The following SARDH variants were observed in gnomAD, a reference collection of about 807,000 sequenced individuals.
SARDH encodes sarcosine dehydrogenase, mitochondrial.
Under a neutral mutation model 109.1 loss-of-function variants are expected in SARDH, and 95 were observed. The ratio of observed to expected loss-of-function variants is 0.87; its 90% CI spans 0.74 to 1.03. The LOEUF (loss-of-function observed/expected upper bound fraction) is 1.03, where lower values mean the gene tolerates loss of function less well. SARDH is among the 50% of genes least tolerant of loss of function. SARDH has a pLI of 0.00. For missense variants in SARDH, 1,267 were observed against 1,287.8 expected, an observed-to-expected ratio of 0.98 and a Z score of 0.25; for synonymous variants, 572 against 534.8, an observed-to-expected ratio of 1.07 and a Z score of -0.96.
In SARDH at chr9:133,663,811, A is replaced by AGGGTCCTGGGACCC; in HGVS notation, c.*64_*77dup. 4.4e-6 allele frequency: 7 copies of AGGGTCCTGGGACCC among 1,577,676 alleles called. No homozygotes were observed. In the South Asian group the frequency reaches 8.1e-5, roughly 18 times the overall value. ...GAGGGCACAAGTTCTGGCTGGGTCC[A>AGGGTCCTGGGACCC]GGGTCCTGGGACCCAGGGCCATTTG... On this transcript the variant is annotated 3_prime_UTR_variant, in exon 21 of 21. Coordinates refer to ENST00000439388, the MANE Select transcript of SARDH (RefSeq NM_001134707.2).
chr9:133,695,786 A>G (rs1831264705), intron 14 of SARDH, among the ~76,000 whole-genome samples: 1 of 152,192 alleles, frequency 6.6e-6, no homozygotes, highest in Non-Finnish European at 1.5e-5. Context: ...AGTATGTCCC[A>G]AATATGGCTT....
At chr9:133,665,933 C>T (rs376110917) in intron 20 of SARDH, among the ~76,000 whole-genome samples, 11 of 152,356 alleles carry the variant, frequency 7.2e-5, no homozygotes, top group African/African-American at 2.2e-4. Context: ...GATCGGCTCC[C>T]ATGGAGAGAC....
intron 8 of SARDH, among the ~76,000 whole-genome samples, chr9:133,717,089 C>A (rs1832150318): frequency 6.6e-6 from 1 of 152,176 alleles, no homozygotes; most frequent in Non-Finnish European, 1.5e-5. Context: ...AGGAGGAGGC[C>A]CTGGCCTCGT....
chr9:133,682,722 G>C (rs1368727396), intron 17 of SARDH, among the ~76,000 whole-genome samples: 7 of 110,448 alleles, frequency 6.3e-5, no homozygotes, highest in Non-Finnish European at 1.2e-4. Context: ...CGCAGTGATG[G>C]TTGGAAACTG....
rs1322808895 is a variant in SARDH at position 133,670,637 on chromosome 9, C to T, written c.2442G>A (p.Glu814=). 1 of 1,585,036 alleles carries T rather than the reference C, an allele frequency of 6.3e-7. No homozygotes were observed. The highest frequency in any genetic ancestry group is 8.6e-7 in the Non-Finnish European group (1 of 1,166,248). ...PVPFLGREAL[E]QQRAAGLRRR... ...GGCGGAGGCCTGCGGCCCGCTGCTG[C>T]TCCAGGGCCTCCCTCCCCAGGAAGG... The change falls in exon 19 of 21, where the codon GAG becomes GAA. Residue 814 remains glutamate (E), a synonymous_variant. Coordinates refer to ENST00000439388, the MANE Select transcript of SARDH (RefSeq NM_001134707.2).
chr9:133,680,727 C>T (rs1321061354), intron 17 of SARDH, among the ~76,000 whole-genome samples: 5 of 151,988 alleles, frequency 3.3e-5, no homozygotes, highest in African/African-American at 1.2e-4. Flanking sequence ...GGGCCACAGT[C>T]GTCCTCCAGA....
chr9:133,694,482 A>G, intron 14 of SARDH, 111 bp from the exon 15 acceptor site: 1 of 893,760 alleles, frequency 1.1e-6, no homozygotes, highest in Non-Finnish European at 1.8e-6. Context: ...CGGAGGCTGG[A>G]TAACCCCCAG....
chr9:133,725,645 C>A, intron 6 of SARDH: 2 of 274,770 alleles, frequency 7.3e-6, no homozygotes, highest in Non-Finnish European at 7.4e-6. Flanking sequence ...CACTGTACTC[C>A]AGTGTGGGCA....
chr9:133,662,468 G>A (rs934717604), downstream of SARDH, among the ~76,000 whole-genome samples: 4 of 152,124 alleles, frequency 2.6e-5, no homozygotes, highest in South Asian at 2.1e-4. The surrounding 1 kb of genome is among the most constrained non-coding windows in gnomAD (Gnocchi z 5.1). Flanking sequence ...AGCCAGGCCC[G>A]CCTGTGAGCA....
chr9:133,723,623 C>A lies in SARDH; in HGVS notation c.916-4581G>T, dbSNP rs144346576. 3.7e-4 allele frequency among the ~76,000 whole-genome samples: 57 copies of A among 152,194 alleles called. 2 individuals carry two copies. The East Asian group carries it at 0.011, about 29-fold the overall frequency. On this transcript the variant is annotated intron_variant, in intron 6 of 20. Coordinates refer to ENST00000439388, the MANE Select transcript of SARDH (RefSeq NM_001134707.2). ...TAAAAAATACAAAAAATTAGCCAGGCGTGGTAGCAGGCACCTGTAGTCCCA... is the reference window on the plus strand; with the variant it reads ...TAAAAAATACAAAAAATTAGCCAGGAGTGGTAGCAGGCACCTGTAGTCCCA...
rs149233577 is a variant in SARDH, at chr9:133,708,396, C to A, written c.1361G>T (p.Arg454Leu). ...CTCATGGCTTCGCTCTCGGATCCAG[C>A]GGGGGTGGTCCGTGAGCGAGTGATG... ...RFHHSLTDHPRWIRERSHESY... is the reference protein window; with the variant it reads ...RFHHSLTDHPLWIRERSHESY... Residue 454 changes from arginine (R) to leucine (L), a missense_variant, in exon 11 of 21, where the codon CGC (arginine) becomes CTC (leucine). Coordinates refer to ENST00000439388, the MANE Select transcript of SARDH (RefSeq NM_001134707.2). 4.3e-6 allele frequency: 7 copies of A among 1,611,852 alleles called. No individual in the cohort carries two copies. The highest frequency in any genetic ancestry group is 1.3e-5 in the African/African-American group (1 of 74,840).
At chr9:133,662,526 C>T (rs1292316944), downstream of SARDH, among the ~76,000 whole-genome samples, 1 of 152,212 alleles carries the variant, frequency 6.6e-6, no homozygotes, top group Non-Finnish European at 1.5e-5. This position sits in a 1 kb window ranked among gnomAD's most constrained non-coding sequence, Gnocchi z 5.1. Flanking sequence ...TGAAAGCCAA[C>T]AGCCCCCACC....
chr9:133,659,884 C>G (rs1832389953), downstream of SARDH, among the ~76,000 whole-genome samples: 1 of 152,102 alleles, frequency 6.6e-6, no homozygotes. Context: ...CACCCAATTG[C>G]CAGCCCAGAG....
At position 133,704,362 on chromosome 9, in the gene SARDH, T is replaced by C. The variant is rs538813096; in HGVS notation, c.1554+586A>G. The stretch of plus-strand genomic sequence containing the variant: ...CCTCAGCTGGCCTTAAGGCCTCGCG[T>C]CCCCTGCTCCCGAGGGTCTGGGTCC... On this transcript the variant is annotated intron_variant, in intron 12 of 20. Transcript: ENST00000439388. The surrounding 1 kb of genome is among the most constrained non-coding windows in gnomAD (Gnocchi z 4.5). Among the ~76,000 whole-genome samples the C allele has an allele frequency of 1.3e-5, 2 of 152,220 alleles. No individual in the cohort carries two copies. Among genetic ancestry groups the C allele is most frequent in the East Asian group, 3.9e-4 (2 of 5,168 alleles).
At chr9:133,732,629 C>A (rs1414362199) in intron 2 of SARDH, 28 bp from the exon 3 acceptor site, 2 of 1,578,430 alleles carry the variant, frequency 1.3e-6, no homozygotes. Flanking sequence ...TGCCATCACT[C>A]CCCAGGGAGT....
chr9:133,736,040 CAA>C (rs60023194), intron 1 of SARDH, among the ~76,000 whole-genome samples: 1,770 of 116,810 alleles, frequency 0.015, 32 homozygotes, highest in African/African-American at 0.049. Flanking sequence ...AACTCCGTCT[CAA>C]AAAAAAAAAA....
intron 6 of SARDH, among the ~76,000 whole-genome samples, chr9:133,726,368 A>AAATAGTAATAATAATAAT (rs1554759910): frequency 2.1e-4 from 24 of 114,144 alleles, no homozygotes; most frequent in Non-Finnish European, 3.8e-4. Context: ...ACCCTGTCTC[A>AAATAGTAATAATAATAAT]AATAATAATA....
chr9:133,705,053 G>A (rs1191842539), intron 11 of SARDH, 22 bp from the exon 12 acceptor site: 30 of 1,573,576 alleles, frequency 1.9e-5, no homozygotes, highest in Non-Finnish European at 2.6e-5. Context: ...TGGGGAACAG[G>A]CATCTGTCAC....
At chr9:133,691,169 AACACACACACACACACACACACACAC>A (rs3081171) in intron 15 of SARDH, among the ~76,000 whole-genome samples, 3 of 112,192 alleles carry the variant, frequency 2.7e-5, no homozygotes, top group African/African-American at 7.2e-5. Flanking sequence ...CACCTCCCCC[AACACACACACACACACACACACACAC>A]ACACACACAC....
Sources: allele counts gnomAD v4.1 joint callset (sites outside exome capture counted in the v4.1 genomes callset), GRCh38; gene constraint gnomAD v4.1.1; non-coding constraint Gnocchi (gnomAD v3.1); transcripts MANE v1.5; gene names NCBI Gene and HGNC (gene_info 2026-07-23, HGNC 2026-07-21).